Variants in RBFOX1 observed in about 807,000 individuals in gnomAD.
RBFOX1 encodes the protein RNA binding fox-1 homolog 1.
RBFOX1 carries 8 observed loss-of-function variants against 57.7 expected under a neutral mutation model. That is an observed-to-expected ratio of 0.14 (90% confidence interval 0.08 to 0.25). RBFOX1 has a LOEUF of 0.25. Ranked by LOEUF, RBFOX1 falls within the 10% of genes least tolerant of loss-of-function variation. RBFOX1 has a pLI of 1.00. For missense variants in RBFOX1, 611 were observed against 548.5 expected, an observed-to-expected ratio of 1.11 and a Z score of -1.14; for synonymous variants, 326 against 222.4, an observed-to-expected ratio of 1.47 and a Z score of -4.15.
chr16:5,393,359 C>G (rs1277793841), intron 1 of RBFOX1, among the ~76,000 whole-genome samples: 2 of 152,198 alleles, frequency 1.3e-5, no homozygotes, highest in Non-Finnish European at 2.9e-5. Flanking sequence ...CTGTCCGTGT[C>G]CAGGCAGCCC....
intron 3 of RBFOX1, among the ~76,000 whole-genome samples, chr16:6,718,794 T>C (rs566807644): frequency 2.1e-4 from 32 of 152,272 alleles, no homozygotes; most frequent in African/African-American, 7.2e-4. Context: ...TTGACTCCAG[T>C]CTCCGCATAA....
intron 4 of RBFOX1, among the ~76,000 whole-genome samples, chr16:7,208,225 T>A (rs183147101): frequency 6.6e-6 from 1 of 152,326 alleles, no homozygotes; most frequent in African/African-American, 2.4e-5. Context: ...TCGGCCAGAT[T>A]GTCCCTCCAC....
At chr16:7,340,853 A>G (rs140391962) in intron 4 of RBFOX1, among the ~76,000 whole-genome samples, 17 of 152,298 alleles carry the variant, frequency 1.1e-4, no homozygotes, top group East Asian at 9.6e-4. Context: ...TATCAGTCCT[A>G]TAAAAAGGGT....
intron 3 of RBFOX1, among the ~76,000 whole-genome samples, chr16:5,648,689 G>A (rs902781871): frequency 1.3e-5 from 2 of 152,100 alleles, no homozygotes; most frequent in Non-Finnish European, 2.9e-5. Context: ...GCATTTAGAC[G>A]TGGGCAGGAC....
chr16:7,630,348 G>A (rs894462927), intron 10 of RBFOX1, among the ~76,000 whole-genome samples: 39 of 152,004 alleles, frequency 2.6e-4, no homozygotes, highest in African/African-American at 9.2e-4. Flanking sequence ...TGGGCCCTGG[G>A]GCAACCAGAG....
intron 4 of RBFOX1, among the ~76,000 whole-genome samples, chr16:7,193,293 C>G (rs72636218): frequency 0.16 from 24,994 of 152,140 alleles, 2,201 homozygotes; most frequent in East Asian, 0.38. Context: ...GAGCCAAAAG[C>G]AGCAGGCTGC....
intron 4 of RBFOX1, among the ~76,000 whole-genome samples, chr16:7,118,452 G>A (rs1294297255): frequency 6.6e-6 from 1 of 152,058 alleles, no homozygotes; most frequent in Non-Finnish European, 1.5e-5. Flanking sequence ...GAGGGTAAAG[G>A]ATGGAAAATT....
chr16:6,813,373 A>C (rs558021733), intron 3 of RBFOX1, among the ~76,000 whole-genome samples: 2 of 152,068 alleles, frequency 1.3e-5, no homozygotes, highest in East Asian at 1.9e-4. Context: ...GCTTGTTGCA[A>C]TTCCCATCTT....
intron 3 of RBFOX1, among the ~76,000 whole-genome samples, chr16:7,019,507 C>G (rs2094099441): frequency 6.6e-6 from 1 of 152,086 alleles, no homozygotes; most frequent in South Asian, 2.1e-4. Flanking sequence ...TGTCTGAACC[C>G]CTGAGCCCAT....
chr16:7,506,343 G>C (rs901940667), intron 4 of RBFOX1, among the ~76,000 whole-genome samples: 3 of 152,016 alleles, frequency 2.0e-5, no homozygotes, highest in African/African-American at 7.3e-5. Flanking sequence ...TTGGGTACCT[G>C]GCACTAACAA....
intron 4 of RBFOX1, among the ~76,000 whole-genome samples, chr16:7,152,032 G>A (rs1009002433): frequency 2.0e-5 from 3 of 152,156 alleles, no homozygotes; most frequent in Non-Finnish European, 2.9e-5. Context: ...ATCGCCTGAG[G>A]TTTATGGACC....
chr16:6,349,331 T>C (rs2152841465), intron 2 of RBFOX1, among the ~76,000 whole-genome samples: 1 of 152,342 alleles, frequency 6.6e-6, no homozygotes, highest in South Asian at 2.1e-4. Context: ...TTAGAAGTTT[T>C]GTCAGATAAA....
At chr16:5,723,251 C>G (rs1400754076) in intron 3 of RBFOX1, among the ~76,000 whole-genome samples, 2 of 152,206 alleles carry the variant, frequency 1.3e-5, no homozygotes, top group Admixed American at 6.5e-5. Context: ...AGTGACTGCT[C>G]CAAGGCAGGC....
chr16:5,385,152 A>T (rs2066225349), intron 1 of RBFOX1, among the ~76,000 whole-genome samples: 1 of 152,018 alleles, frequency 6.6e-6, no homozygotes, highest in African/African-American at 2.4e-5. Flanking sequence ...GCCAGGCACT[A>T]TGCTTTACGT....
chr16:6,495,141 T>A (rs1338723097), intron 2 of RBFOX1, among the ~76,000 whole-genome samples: 2 of 152,138 alleles, frequency 1.3e-5, no homozygotes, highest in Non-Finnish European at 2.9e-5. Context: ...TATTTTGAGA[T>A]GAACTTTCAC....
intron 3 of RBFOX1, among the ~76,000 whole-genome samples, chr16:5,617,867 G>A (rs536373268): frequency 1.1e-4 from 17 of 152,216 alleles, no homozygotes; most frequent in East Asian, 1.9e-4. Flanking sequence ...CAGCATTTCC[G>A]AAGCTTATCT....
intron 3 of RBFOX1, among the ~76,000 whole-genome samples, chr16:6,869,347 T>A (rs2060474173): frequency 6.6e-6 from 1 of 152,178 alleles, no homozygotes; most frequent in African/African-American, 2.4e-5. Flanking sequence ...GGGTCACTGT[T>A]CACAAATCCC....
chr16:6,646,025 A>G (rs1173122125), intron 2 of RBFOX1, among the ~76,000 whole-genome samples: 4 of 152,086 alleles, frequency 2.6e-5, no homozygotes, highest in Non-Finnish European at 5.9e-5. Context: ...GGCTACAAAA[A>G]GTAGAAGGGC....
intron 4 of RBFOX1, among the ~76,000 whole-genome samples, chr16:7,279,441 C>T (rs1340788155): frequency 3.9e-5 from 6 of 152,142 alleles, no homozygotes; most frequent in African/African-American, 9.7e-5. Flanking sequence ...TTTATTCAGC[C>T]GGCATTTACT....
Sources: allele counts gnomAD v4.1 joint callset (sites outside exome capture counted in the v4.1 genomes callset), GRCh38; gene constraint gnomAD v4.1.1; transcripts MANE v1.5; gene names NCBI Gene and HGNC (gene_info 2026-07-23, HGNC 2026-07-21).